Variants in BLMH observed in about 807,000 individuals in gnomAD.
BLMH encodes BLM hydrolase.
A neutral mutation model predicts 61.6 loss-of-function variants in BLMH; 32 were observed. The ratio of observed to expected loss-of-function variants is 0.52; its 90% confidence interval spans 0.39 to 0.70. BLMH has a LOEUF of 0.70. BLMH is among the 30% of genes least tolerant of loss of function. BLMH has a pLI of 0.00. For missense variants in BLMH, 460 were observed against 555.5 expected (o/e 0.83, Z 1.73); for synonymous variants, 183 against 193.8 (o/e 0.94, Z 0.46).
At chr17:30,282,559 A>C (rs1168108187) in intron 6 of BLMH, among the ~76,000 whole-genome samples, 1 of 152,232 alleles carries the variant, frequency 6.6e-6, no homozygotes, top group Non-Finnish European at 1.5e-5. Flanking sequence ...CAGGCTAAAA[A>C]AATGGACACT....
intron 11 of BLMH, among the ~76,000 whole-genome samples, chr17:30,251,552 T>C (rs1301275806): frequency 2.6e-5 from 4 of 152,220 alleles, no homozygotes; most frequent in African/African-American, 9.7e-5. Flanking sequence ...GAGCCATTTT[T>C]CTCTGAAAGT....
At chr17:30,256,035 C>T (rs6505167) in intron 11 of BLMH, among the ~76,000 whole-genome samples, 19,739 of 152,086 alleles carry the variant, frequency 0.13, 1,435 homozygotes, top group African/African-American at 0.18. Flanking sequence ...TACAGACGTG[C>T]GCCTCCTCAC....
intron 3 of BLMH, among the ~76,000 whole-genome samples, chr17:30,288,782 C>T (rs1012885341): frequency 1.3e-5 from 2 of 152,054 alleles, no homozygotes; most frequent in East Asian, 1.9e-4. Flanking sequence ...CTGACCAACA[C>T]GGTGAAATGC....
In BLMH at chr17:30,248,890, G is replaced by C; in HGVS notation, c.*127C>G. The C allele has an allele frequency of 8.4e-7, 1 of 1,197,276 alleles. No homozygotes were observed. Among genetic ancestry groups the C allele is most frequent in the East Asian group, 2.4e-5 (1 of 42,280 alleles). The allele number at this position is 1,197,276 out of a possible 1,614,324, so 74.2% of individuals were successfully genotyped here. A position where few individuals can be genotyped will look rare whatever the true frequency, so the allele number is the denominator to read the frequency against. On this transcript the variant is annotated 3_prime_UTR_variant, in exon 12 of 12. Transcript: ENST00000261714. ...ACTTTCTGAAGAGGTTCCTGGTGGA[G>C]ACTGGAAATCTGACTGTGTCCTGTG...
In BLMH at chr17:30,248,973, C is replaced by T. The variant is rs867494709; in HGVS notation, c.*44G>A. 6.2e-7 allele frequency: 1 copy of T among 1,608,004 alleles called. No homozygotes were observed. Among genetic ancestry groups the T allele is most frequent in the Middle Eastern group, 1.9e-4 (1 of 5,310 alleles). ...CAGTCCCTGGATCTGTCCTTTGCAG[C>T]TACGTCAGGTTCCATGGAAGGAGGA... On this transcript the variant is annotated 3_prime_UTR_variant, in exon 12 of 12. Transcript: ENST00000261714.
At chr17:30,269,570 C>T (rs1908208365) in intron 10 of BLMH, among the ~76,000 whole-genome samples, 1 of 151,982 alleles carries the variant, frequency 6.6e-6, no homozygotes, top group South Asian at 2.1e-4. Flanking sequence ...CTTAAATCAC[C>T]TTTTGCTGTT....
chr17:30,249,158 G>A lies in BLMH; in HGVS notation c.1227C>T (p.Cys409=), dbSNP rs1249143777. Reference sequence around the variant, plus strand: ...ACTCAGAGAACCACTCATCTGTCATGCACAGGTAACCTGGAGAAAAGAACA... The same window carrying A: ...ACTCAGAGAACCACTCATCTGTCATACACAGGTAACCTGGAGAAAAGAACA... ...GEDHGHKGYL[C]MTDEWFSEYV... The change falls in exon 12 of 12, where the codon TGC becomes TGT. Residue 409 remains cysteine (C), a synonymous_variant. Coordinates refer to ENST00000261714, the MANE Select transcript of BLMH (RefSeq NM_000386.4). 2 of 1,613,996 alleles carry A rather than the reference G, an allele frequency of 1.2e-6. No homozygotes were observed. Among genetic ancestry groups the A allele is most frequent in the Non-Finnish European group, 1.7e-6 (2 of 1,179,966 alleles).
chr17:30,278,651 T>C (rs1001998709), intron 6 of BLMH, among the ~76,000 whole-genome samples: 12 of 152,202 alleles, frequency 7.9e-5, no homozygotes, highest in African/African-American at 2.9e-4. Context: ...TAAGAAATAT[T>C]TAACGAACAC....
intron 11 of BLMH, among the ~76,000 whole-genome samples, chr17:30,262,359 T>C (rs1056141741): frequency 1.3e-5 from 2 of 152,214 alleles, no homozygotes; most frequent in Non-Finnish European, 2.9e-5. Context: ...GAATTTAATT[T>C]ATTGACTATC....
chr17:30,285,139 T>C (rs1027054754), intron 6 of BLMH, among the ~76,000 whole-genome samples: 3 of 152,254 alleles, frequency 2.0e-5, no homozygotes, highest in Non-Finnish European at 4.4e-5. Flanking sequence ...AGGTATTTAA[T>C]ATTTATGAAA....
chr17:30,257,993 T>A (rs1490000427), intron 11 of BLMH, among the ~76,000 whole-genome samples: 1 of 152,168 alleles, frequency 6.6e-6, no homozygotes, highest in Non-Finnish European at 1.5e-5. Flanking sequence ...ATGTATTTTG[T>A]ATCTTTTATT....
At chr17:30,291,539 A>G (rs1340837011) in intron 1 of BLMH, 31 bp from the exon 2 acceptor site, 28 of 1,608,904 alleles carry the variant, frequency 1.7e-5, no homozygotes, top group Non-Finnish European at 2.4e-5. Context: ...ATTTTAACGC[A>G]AAAAGAGGGG....
At chr17:30,286,527 T>C (rs1908731827) in intron 5 of BLMH, among the ~76,000 whole-genome samples, 1 of 152,236 alleles carries the variant, frequency 6.6e-6, no homozygotes, top group South Asian at 2.1e-4. Context: ...GCACCCTGTG[T>C]GCTTGTGGCC....
chr17:30,258,917 C>G (rs1907886306), intron 11 of BLMH, among the ~76,000 whole-genome samples: 1 of 152,188 alleles, frequency 6.6e-6, no homozygotes, highest in South Asian at 2.1e-4. Flanking sequence ...CTGACCTGTT[C>G]AACGCATGCT....
chr17:30,276,591 C>G (rs1908431009), intron 6 of BLMH, among the ~76,000 whole-genome samples: 1 of 152,216 alleles, frequency 6.6e-6, no homozygotes. Context: ...CATATCACCA[C>G]AGGAGAATTT....
Position 30,271,318 on chromosome 17 carries a change from C to T in BLMH, c.1099G>A (p.Glu367Lys), listed in dbSNP as rs1908264454. 1.9e-6 allele frequency: 3 copies of T among 1,614,038 alleles called. No homozygotes were observed. Among genetic ancestry groups the T allele is most frequent in the African/African-American group, 1.3e-5 (1 of 74,918 alleles). Residue 367 changes from glutamate (E) to lysine (K), a missense_variant, in exon 10 of 12, where the codon GAG becomes AAG. Glu to Lys is a moderately conservative substitution (Grantham distance 56). This residue lies in a region of BLMH where 310 missense variants were observed against 371.1 expected (regional missense o/e 0.84). Coordinates refer to ENST00000261714, the MANE Select transcript of BLMH (RefSeq NM_000386.4). ...MNKAERLTFG[E>K]SLMTHAMTFT... ...GTCATGGCGTGGGTCATAAGTGACT[C>T]ACCAAAAGTCAGCCTCTCCGCTTTA...
chr17:30,269,878 G>C (rs921952011), intron 10 of BLMH, among the ~76,000 whole-genome samples: 1 of 152,148 alleles, frequency 6.6e-6, no homozygotes, highest in African/African-American at 2.4e-5. Context: ...ATACCTCAGA[G>C]TTCTACTACT....
Position 30,289,353 on chromosome 17 carries a change from T to C in BLMH, c.321+20A>G. 6.7e-7 allele frequency: 1 copy of C among 1,493,306 alleles called. No individual in the cohort carries two copies. The highest frequency in any genetic ancestry group is 9.2e-7 in the Non-Finnish European group (1 of 1,088,842). The allele number at this position is 1,493,306 out of a possible 1,614,324, so 92.5% of individuals were successfully genotyped here. A position where few individuals can be genotyped will look rare whatever the true frequency, so the allele number is the denominator to read the frequency against. Reference sequence around the variant, plus strand: ...GGCTGATATCAATACAAAAAGAATCTTGCCAGATCTGTCCCATACCTTGTC... The same window carrying C: ...GGCTGATATCAATACAAAAAGAATCCTGCCAGATCTGTCCCATACCTTGTC... On this transcript the variant is annotated intron_variant, in intron 3 of 11. Coordinates refer to ENST00000261714, the MANE Select transcript of BLMH (RefSeq NM_000386.4).
chr17:30,261,032 T>A (rs755688617), intron 11 of BLMH, among the ~76,000 whole-genome samples: 9 of 152,206 alleles, frequency 5.9e-5, no homozygotes, highest in Admixed American at 1.3e-4. Context: ...TTCTCGGAAA[T>A]CAGAAACCTG....
Sources: gnomAD v4.1 joint callset for allele counts (sites outside exome capture counted in the v4.1 genomes callset) on GRCh38, gnomAD v4.1.1 for gene constraint, gnomAD v4.1.1 regional missense constraint, MANE v1.5 for transcripts, NCBI Gene and HGNC (gene_info 2026-07-23, HGNC 2026-07-21) for gene names.